Variants in ZNF557 observed in about 807,000 individuals in gnomAD.
The protein encoded by ZNF557 is zinc finger protein 557.
ZNF557 carries 19 observed loss-of-function variants against 21.2 expected under a neutral mutation model. That is an observed-to-expected ratio of 0.90 (90% CI 0.63 to 1.32). The LOEUF (loss-of-function observed/expected upper bound fraction) is 1.32, where lower values mean the gene tolerates loss of function less well. ZNF557 is among the 40% of genes most tolerant of loss of function. The pLI is 0.00. For missense variants in ZNF557, 487 were observed against 519.8 expected (o/e 0.94, Z 0.61); for synonymous variants, 207 against 194.8 (o/e 1.06, Z -0.52).
At chr19:7,081,173 G>A (rs1457036053) in intron 5 of ZNF557, among the ~76,000 whole-genome samples, 187 bp from the exon 6 acceptor site, 1 of 128,178 alleles carries the variant, frequency 7.8e-6, no homozygotes, top group Non-Finnish European at 1.6e-5. Context: ...GTGTGTGTGT[G>A]TGTGTGTGTG....
intron 7 of ZNF557, 89 bp downstream of exon 7, chr19:7,082,141 C>A: frequency 9.9e-7 from 1 of 1,013,570 alleles, no homozygotes; most frequent in Non-Finnish European, 1.5e-6. Flanking sequence ...GTTGGCCAGG[C>A]ACAGTGGCTC....
At chr19:7,074,755 G>A (rs557244686) in intron 2 of ZNF557, among the ~76,000 whole-genome samples, 25 of 129,620 alleles carry the variant, frequency 1.9e-4, no homozygotes, top group African/African-American at 7.2e-4. Context: ...GGCAGGGCAC[G>A]GGCTGGAGGG....
At chr19:7,071,321 G>A (rs1322194102) in intron 2 of ZNF557, among the ~76,000 whole-genome samples, 1 of 152,094 alleles carries the variant, frequency 6.6e-6, no homozygotes, top group Non-Finnish European at 1.5e-5. Context: ...CCATGCGGTT[G>A]TTTTAATTTA....
rs1276698461 is a variant in ZNF557, at chr19:7,085,237, A to G, written c.*1493A>G. The G allele has an allele frequency of 6.6e-6, 1 of 152,180 alleles. No homozygotes were observed. Among genetic ancestry groups the G allele is most frequent in the Non-Finnish European group, 1.5e-5 (1 of 68,032 alleles). 9.4% of individuals were successfully genotyped at this position (152,180 alleles called of 1,614,324 possible). A position where few individuals can be genotyped will look rare whatever the true frequency, so the allele number is the denominator to read the frequency against. ...GCCCAGGCTGTAGTGCAGTGGTGCA[A>G]TCTTGGCTTATTGTAACCTCTGCCT... On this transcript the variant is annotated 3_prime_UTR_variant, in exon 8 of 8. Coordinates refer to ENST00000252840, the MANE Select transcript of ZNF557 (RefSeq NM_024341.3).
chr19:7,078,041 T>G (rs1289059420), intron 5 of ZNF557, among the ~76,000 whole-genome samples: 1 of 152,234 alleles, frequency 6.6e-6, no homozygotes, highest in Non-Finnish European at 1.5e-5. Context: ...TTATATGTTC[T>G]GCATCCTAGA....
chr19:7,071,179 A>G (rs1977449168), intron 2 of ZNF557, among the ~76,000 whole-genome samples: 1 of 152,238 alleles, frequency 6.6e-6, no homozygotes, highest in Non-Finnish European at 1.5e-5. Context: ...TCAGTACACA[A>G]AACATGTAAA....
chr19:7,078,825 GTTTCT>G (rs1465844486), intron 5 of ZNF557, among the ~76,000 whole-genome samples: 1 of 151,964 alleles, frequency 6.6e-6, no homozygotes, highest in Non-Finnish European at 1.5e-5. Flanking sequence ...TATCTTCTGG[GTTTCT>G]TAGGCTCTGT....
Position 7,083,927 on chromosome 19 carries a change from T to C in ZNF557, c.*183T>C. On this transcript the variant is annotated 3_prime_UTR_variant, in exon 8 of 8. Transcript: ENST00000252840. ...GTAGGTCAGGAATTCAGAAACAACATAGCTCTATAGTTCTTCAGGATATCT... is the reference window on the plus strand; with the variant it reads ...GTAGGTCAGGAATTCAGAAACAACACAGCTCTATAGTTCTTCAGGATATCT... 1 of 619,760 alleles carries C rather than the reference T, an allele frequency of 1.6e-6. No individual in the cohort carries two copies. 38.4% of individuals were successfully genotyped at this position (619,760 alleles called of 1,614,324 possible). A position where few individuals can be genotyped will look rare whatever the true frequency, so the allele number is the denominator to read the frequency against.
intron 6 of ZNF557, among the ~76,000 whole-genome samples, 159 bp downstream of exon 6, chr19:7,081,614 G>T (rs1475762068): frequency 6.6e-6 from 1 of 152,146 alleles, no homozygotes; most frequent in Non-Finnish European, 1.5e-5. Flanking sequence ...GCCCCCTCAT[G>T]TACCTTCATG....
chr19:7,076,364 T>C lies in ZNF557; in HGVS notation c.121-17T>C, dbSNP rs768869418. 1 of 1,614,120 alleles carries C rather than the reference T, an allele frequency of 6.2e-7. No homozygotes were observed. Among genetic ancestry groups the C allele is most frequent in the South Asian group, 1.1e-5 (1 of 91,086 alleles). ...GGGGTGGTCCTTGGCTAAGCCGTGA[T>C]GTTTGCAATGCTTTAGGGCTTGGTG... On this transcript the variant is annotated splice_polypyrimidine_tract_variant and intron_variant, in intron 4 of 7. Transcript: ENST00000252840.
intron 5 of ZNF557, among the ~76,000 whole-genome samples, chr19:7,076,826 C>T (rs1233773760): frequency 6.6e-6 from 1 of 152,104 alleles, no homozygotes; most frequent in Admixed American, 6.6e-5. Context: ...TGTTTTTAGA[C>T]AGTGTCTCCC....
intron 4 of ZNF557, 136 bp downstream of exon 4, chr19:7,075,879 A>G: frequency 6.8e-7 from 1 of 1,468,256 alleles, no homozygotes; most frequent in Non-Finnish European, 9.0e-7. Context: ...AGGGCTGCCC[A>G]GAAAATGTCA....
In ZNF557 at chr19:7,083,230, G is replaced by T. The variant is rs1294936283; in HGVS notation, c.779G>T (p.Gly260Val). 6.2e-7 allele frequency: 1 copy of T among 1,614,030 alleles called. No homozygotes were observed. Among genetic ancestry groups the T allele is most frequent in the Non-Finnish European group, 8.5e-7 (1 of 1,180,036 alleles). The change falls in exon 8 of 8, where the codon GGA (glycine) becomes GTA (valine). Residue 260 changes from glycine to valine, a missense_variant. Coordinates refer to ENST00000252840, the MANE Select transcript of ZNF557 (RefSeq NM_024341.3). The part of the protein sequence containing the change: ...YLRPHLRIHT[G>V]EKPYKCNQCF... Reference sequence around the variant, plus strand: ...AGACCGCACTTGAGAATTCACACTGGAGAAAAACCGTACAAATGTAACCAG... The same window carrying T: ...AGACCGCACTTGAGAATTCACACTGTAGAAAAACCGTACAAATGTAACCAG...
At chr19:7,075,815 G>A in intron 4 of ZNF557, 72 bp downstream of exon 4, 1 of 1,575,832 alleles carries the variant, frequency 6.3e-7, no homozygotes, top group Non-Finnish European at 8.7e-7. Flanking sequence ...CCTTTCAGTG[G>A]CCTGGAGCCC....
intron 3 of ZNF557, 134 bp downstream of exon 3, chr19:7,075,239 C>G: frequency 1.6e-6 from 2 of 1,268,596 alleles, no homozygotes; most frequent in Non-Finnish European, 2.3e-6. Flanking sequence ...TCCTCCGTGT[C>G]TGATCGGGCG....
At position 7,083,920 on chromosome 19, in the gene ZNF557, A is replaced by G; in HGVS notation, c.*176A>G. 1 of 651,744 alleles carries G rather than the reference A, an allele frequency of 1.5e-6. No individual in the cohort carries two copies. Among genetic ancestry groups the G allele is most frequent in the Non-Finnish European group, 2.6e-6 (1 of 382,658 alleles). The allele number at this position is 651,744 out of a possible 1,614,324, so 40.4% of individuals were successfully genotyped here. ...AATTTTTGTAGGTCAGGAATTCAGA[A>G]ACAACATAGCTCTATAGTTCTTCAG... On this transcript the variant is annotated 3_prime_UTR_variant, in exon 8 of 8. Transcript: ENST00000252840.
chr19:7,073,437 T>C (rs1192730342), intron 2 of ZNF557, among the ~76,000 whole-genome samples: 1 of 152,148 alleles, frequency 6.6e-6, no homozygotes, highest in Non-Finnish European at 1.5e-5. Context: ...ATTGCAGGCG[T>C]GAGCCACTGT....
At chr19:7,074,474 T>C (rs901568393) in intron 2 of ZNF557, among the ~76,000 whole-genome samples, 5 of 149,100 alleles carry the variant, frequency 3.4e-5, no homozygotes, top group Middle Eastern at 3.4e-3. Context: ...TCTTCTCTCT[T>C]TTTTTTTTAA....
At position 7,085,297 on chromosome 19, in the gene ZNF557, C is replaced by G. The variant is rs1188274811; in HGVS notation, c.*1553C>G. 6.6e-6 allele frequency: 1 copy of G among 152,136 alleles called. No homozygotes were observed. The highest frequency in any genetic ancestry group is 1.5e-5 in the Non-Finnish European group (1 of 68,040). 9.4% of individuals were successfully genotyped at this position (152,136 alleles called of 1,614,324 possible). On this transcript the variant is annotated 3_prime_UTR_variant, in exon 8 of 8. Coordinates refer to ENST00000252840, the MANE Select transcript of ZNF557 (RefSeq NM_024341.3). ...AAGGGATCCTCCCACCTCAGCCTCC[C>G]AAGTAGCTGGGACTGTAGGCATGCA...
Sources: gnomAD v4.1 joint callset for allele counts (sites outside exome capture counted in the v4.1 genomes callset) on GRCh38, gnomAD v4.1.1 for gene constraint, MANE v1.5 for transcripts, NCBI Gene and HGNC (gene_info 2026-07-23, HGNC 2026-07-21) for gene names.